SLCO3A1: variants seen among roughly 807,000 people sequenced by gnomAD.
SLCO3A1 encodes PGE1 transporter.
A neutral mutation model predicts 63.1 loss-of-function variants in SLCO3A1; 27 were observed. The observed-to-expected ratio is 0.43, with a 90% CI of 0.32 to 0.59. The LOEUF (loss-of-function observed/expected upper bound fraction) is 0.59. Among genes scored for constraint, SLCO3A1 ranks in the 20% least tolerant of loss-of-function variants. The pLI, the probability that SLCO3A1 is intolerant of heterozygous loss-of-function variation, is 0.09. For missense variants in SLCO3A1, 773 were observed against 945.8 expected, an observed-to-expected ratio of 0.82 and a Z score of 2.40; for synonymous variants, 473 against 409.9, an observed-to-expected ratio of 1.15 and a Z score of -1.86.
At chr15:92,020,238 CTA>C (rs71465724) in intron 2 of SLCO3A1, among the ~76,000 whole-genome samples, 15 of 98,260 alleles carry the variant, frequency 1.5e-4, no homozygotes, top group African/African-American at 4.9e-4. Context: ...CACACACACA[CTA>C]TATATATATG....
intron 9 of SLCO3A1, among the ~76,000 whole-genome samples, chr15:92,160,766 CACCCGATTCCAGGCATGTCATTAAA>C (rs1411941235): frequency 6.6e-6 from 1 of 152,104 alleles, no homozygotes; most frequent in East Asian, 1.9e-4. Context: ...GCCCCGCTCT[CACCCGATTCCAGGCATGTCATTAAA>C]ACCGGGGGAA....
chr15:91,895,373 A>C (rs1897977936), intron 1 of SLCO3A1, among the ~76,000 whole-genome samples: 1 of 152,184 alleles, frequency 6.6e-6, no homozygotes, highest in Non-Finnish European at 1.5e-5. Flanking sequence ...CCAGGAAAGG[A>C]AGTGTCAAGT....
chr15:91,981,409 C>T (rs150019936), intron 2 of SLCO3A1, among the ~76,000 whole-genome samples: 2 of 152,116 alleles, frequency 1.3e-5, no homozygotes, highest in African/African-American at 2.4e-5. Context: ...CTTTAGACTC[C>T]GCTTCATGCC....
rs187980639 is a variant in SLCO3A1, at chr15:92,147,034, C to T, written c.1563C>T (p.Thr521=). The T allele has an allele frequency of 3.7e-6, 6 of 1,614,054 alleles. No homozygotes were observed. In the East Asian group the frequency reaches 6.7e-5, roughly 18 times the overall value. Residue 521 remains threonine (T), a synonymous_variant, in exon 8 of 10, where the codon ACC becomes ACT. Transcript: ENST00000318445. ...CCACCGTCCCTGCTGAGAACGCAAC[C>T]GTGGTTCCTGGAAAATGCCCCAGTC... ...CLTTVPAENA[T]VVPGKCPSPG...
chr15:91,899,537 T>C (rs1004017934), intron 1 of SLCO3A1, among the ~76,000 whole-genome samples: 1 of 152,252 alleles, frequency 6.6e-6, no homozygotes, highest in Admixed American at 6.5e-5. Context: ...AGTTCTGCCC[T>C]ATTTTTTCAT....
At position 92,039,892 on chromosome 15, in the gene SLCO3A1, G is replaced by A. The variant is rs1304104494; in HGVS notation, c.647-54989G>A. On this transcript the variant is annotated intron_variant, in intron 2 of 9. Transcript: ENST00000318445. ...TGGAATACCATACAGCCATAAAAAG[G>A]AATGAGATCATGTCCTTTGCAAGGA... 2.6e-5 allele frequency among the ~76,000 whole-genome samples: 4 copies of A among 152,282 alleles called. No individual in the cohort carries two copies. The East Asian group carries it at 7.7e-4, about 29-fold the overall frequency.
chr15:92,023,551 C>G (rs1456309798), intron 2 of SLCO3A1, among the ~76,000 whole-genome samples: 3 of 151,948 alleles, frequency 2.0e-5, no homozygotes, highest in African/African-American at 7.3e-5. Flanking sequence ...TCACTGCAGC[C>G]TCTGCCTCCC....
At chr15:92,001,493 C>T (rs1192705061) in intron 2 of SLCO3A1, among the ~76,000 whole-genome samples, 1 of 152,220 alleles carries the variant, frequency 6.6e-6, no homozygotes, top group Non-Finnish European at 1.5e-5. Flanking sequence ...CCTGTGCCCG[C>T]TGGCCTGCTG....
chr15:92,000,505 C>T (rs1007286583), intron 2 of SLCO3A1, among the ~76,000 whole-genome samples: 8 of 149,422 alleles, frequency 5.4e-5, no homozygotes, highest in African/African-American at 7.4e-5. Flanking sequence ...GTGGTGGTTG[C>T]ATAAGGTGAA....
intron 2 of SLCO3A1, among the ~76,000 whole-genome samples, chr15:91,970,027 G>A (rs192910920): frequency 1.0e-3 from 158 of 152,190 alleles, no homozygotes; most frequent in Middle Eastern, 3.4e-3. Context: ...TCCCCTCAGC[G>A]AAATGTTAAA....
intron 2 of SLCO3A1, among the ~76,000 whole-genome samples, chr15:92,074,852 T>A (rs1487115497): frequency 6.6e-6 from 1 of 152,112 alleles, no homozygotes; most frequent in African/African-American, 2.4e-5. Flanking sequence ...CTGTGCTGAG[T>A]GTAATCACTT....
At chr15:92,142,593 G>C (rs147571392) in intron 7 of SLCO3A1, among the ~76,000 whole-genome samples, 16 of 152,284 alleles carry the variant, frequency 1.1e-4, no homozygotes, top group African/African-American at 3.8e-4. Flanking sequence ...CTTGGGTCAA[G>C]GGACACCGAA....
At chr15:92,146,495 G>A (rs529075975) in intron 7 of SLCO3A1, among the ~76,000 whole-genome samples, 11 of 152,322 alleles carry the variant, frequency 7.2e-5, no homozygotes, top group East Asian at 3.9e-4. Context: ...GACTTCACGC[G>A]TGACAGCGTG....
chr15:92,109,247 G>A (rs961276170), intron 4 of SLCO3A1, among the ~76,000 whole-genome samples: 3 of 152,142 alleles, frequency 2.0e-5, no homozygotes, highest in Non-Finnish European at 4.4e-5. Flanking sequence ...ATTTGAACCC[G>A]GGCGAAGGCT....
At chr15:91,905,852 G>A (rs534026710) in intron 1 of SLCO3A1, among the ~76,000 whole-genome samples, 2 of 64,798 alleles carry the variant, frequency 3.1e-5, no homozygotes, top group South Asian at 1.4e-3. Flanking sequence ...TAAACTTATC[G>A]TTATTTTTAG....
chr15:92,090,683 C>CA, intron 2 of SLCO3A1, among the ~76,000 whole-genome samples: 1 of 152,270 alleles, frequency 6.6e-6, no homozygotes, highest in Admixed American at 6.5e-5. Flanking sequence ...CCCTCTCCCC[C>CA]AAAGATAGCT....
chr15:92,130,928 C>T (rs2047987579), intron 7 of SLCO3A1, among the ~76,000 whole-genome samples: 1 of 142,448 alleles, frequency 7.0e-6, no homozygotes, highest in East Asian at 2.5e-4. Flanking sequence ...CAAGCTAAAA[C>T]CTTTCACCTC....
intron 2 of SLCO3A1, among the ~76,000 whole-genome samples, chr15:92,014,169 A>C (rs1450353672): frequency 8.5e-5 from 13 of 152,142 alleles, no homozygotes; most frequent in Non-Finnish European, 1.5e-4. Context: ...GAGGAAAATC[A>C]GTACCTTTGT....
chr15:91,913,649 C>T (rs1037232483), intron 1 of SLCO3A1, among the ~76,000 whole-genome samples: 2 of 152,132 alleles, frequency 1.3e-5, no homozygotes, highest in South Asian at 2.1e-4. Context: ...TGCTAATTAG[C>T]ACAGGCGTAT....
Sources: allele counts gnomAD v4.1 joint callset (sites outside exome capture counted in the v4.1 genomes callset), GRCh38; gene constraint gnomAD v4.1.1; transcripts MANE v1.5; gene names NCBI Gene and HGNC (gene_info 2026-07-23, HGNC 2026-07-21).